SH2D4B: variants seen among roughly 807,000 people sequenced by gnomAD.
The protein encoded by SH2D4B is SH2 domain-containing protein 4B.
A neutral mutation model predicts 61.5 loss-of-function variants in SH2D4B; 45 were observed. The observed-to-expected ratio is 0.73, with a 90% confidence interval of 0.58 to 0.94. The LOEUF is 0.94. Among genes scored for constraint, SH2D4B ranks in the 40% least tolerant of loss-of-function variants. The pLI is 0.00. For missense variants in SH2D4B, 572 were observed against 574.2 expected (o/e 1.00, Z 0.04); for synonymous variants, 224 against 220.4 (o/e 1.02, Z -0.14).
chr10:80,559,891 C>G (rs1841882031), intron 1 of SH2D4B, among the ~76,000 whole-genome samples: 1 of 151,570 alleles, frequency 6.6e-6, no homozygotes, highest in Non-Finnish European at 1.5e-5. Context: ...CCCACCTTTG[C>G]CCCCCCAGAG....
At chr10:80,581,305 A>C (rs1020681033) in intron 3 of SH2D4B, among the ~76,000 whole-genome samples, 2 of 152,170 alleles carry the variant, frequency 1.3e-5, no homozygotes, top group Non-Finnish European at 2.9e-5. Flanking sequence ...AGGGCCACTT[A>C]TCCACCATAG....
rs2132171551 is a variant in SH2D4B at position 80,645,966 on chromosome 10, C to T, written c.*1881C>T. 1 of 152,294 alleles carries T rather than the reference C, an allele frequency of 6.6e-6. No homozygotes were observed. Among genetic ancestry groups the T allele is most frequent in the East Asian group, 1.9e-4 (1 of 5,180 alleles). The allele number at this position is 152,294 out of a possible 1,614,324, so 9.4% of individuals were successfully genotyped here. A position where few individuals can be genotyped will look rare whatever the true frequency, so the allele number is the denominator to read the frequency against. ...TAAAATTGCCTTATTTCTATGGACT[C>T]AGAGGAATGATGTTTTAGTTTTGGC... is the stretch of plus-strand genomic sequence containing the variant. On this transcript the variant is annotated 3_prime_UTR_variant, in exon 8 of 8. Transcript: ENST00000646907.
In SH2D4B at chr10:80,644,156, A is replaced by C; in HGVS notation, c.*71A>C. The stretch of plus-strand genomic sequence containing the variant: ...ACTCAGCTTAAGAACTTCTCATCTC[A>C]AATCCTATGGCCTTCTGGAAGATCC... On this transcript the variant is annotated 3_prime_UTR_variant, in exon 8 of 8. Coordinates refer to ENST00000646907, the MANE Select transcript of SH2D4B (RefSeq NM_001388272.1). 63 of 1,215,162 alleles carry C rather than the reference A, an allele frequency of 5.2e-5. No individual in the cohort carries two copies. The highest frequency in any genetic ancestry group is 1.9e-4 in the Middle Eastern group (1 of 5,262). The allele number at this position is 1,215,162 out of a possible 1,614,324, so 75.3% of individuals were successfully genotyped here. A position where few individuals can be genotyped will look rare whatever the true frequency, so the allele number is the denominator to read the frequency against.
chr10:80,588,926 A>C (rs1842293200), intron 4 of SH2D4B, 149 bp downstream of exon 4: 2 of 873,496 alleles, frequency 2.3e-6, no homozygotes, highest in Admixed American at 2.6e-5. Flanking sequence ...AGTCCTGCTA[A>C]GAATTTAGAG....
intron 6 of SH2D4B, among the ~76,000 whole-genome samples, chr10:80,615,188 C>T (rs937291117): frequency 7.2e-5 from 11 of 152,328 alleles, no homozygotes; most frequent in African/African-American, 2.2e-4. Flanking sequence ...TTGCCATCCT[C>T]GGGCTTGATG....
At chr10:80,560,492 C>T (rs1055078999) in intron 1 of SH2D4B, among the ~76,000 whole-genome samples, 2 of 151,420 alleles carry the variant, frequency 1.3e-5, no homozygotes, top group African/African-American at 4.9e-5. Flanking sequence ...CCTAAGCCAT[C>T]CTCCAGCCTC....
intron 1 of SH2D4B, among the ~76,000 whole-genome samples, chr10:80,566,805 T>A (rs1042740959): frequency 6.6e-6 from 1 of 152,174 alleles, no homozygotes; most frequent in Admixed American, 6.5e-5. Context: ...GTAATCCTCT[T>A]ATCATTTATT....
chr10:80,630,447 G>A (rs1842817971), intron 6 of SH2D4B, among the ~76,000 whole-genome samples: 1 of 152,208 alleles, frequency 6.6e-6, no homozygotes, highest in African/African-American at 2.4e-5. Flanking sequence ...GGTTTTGGCA[G>A]GATGTTGTGA....
At chr10:80,609,034 A>C (rs1404201598) in intron 5 of SH2D4B, among the ~76,000 whole-genome samples, 1 of 152,088 alleles carries the variant, frequency 6.6e-6, no homozygotes, top group Non-Finnish European at 1.5e-5. Context: ...GCTGGTATTT[A>C]TGCCCTGGCC....
intron 6 of SH2D4B, among the ~76,000 whole-genome samples, chr10:80,629,699 G>T (rs370691369): frequency 1.3e-5 from 2 of 152,320 alleles, no homozygotes; most frequent in African/African-American, 4.8e-5. Flanking sequence ...TATTGTATTA[G>T]ATATTTATTG....
At chr10:80,592,292 A>T (rs762157398) in intron 4 of SH2D4B, among the ~76,000 whole-genome samples, 6 of 152,128 alleles carry the variant, frequency 3.9e-5, no homozygotes, top group Admixed American at 2.6e-4. Flanking sequence ...CTTATCAGAG[A>T]TATGGTTTGC....
intron 1 of SH2D4B, among the ~76,000 whole-genome samples, chr10:80,552,546 G>A (rs894026438): frequency 6.6e-6 from 1 of 152,102 alleles, no homozygotes; most frequent in African/African-American, 2.4e-5. Context: ...GGACAGCAGG[G>A]GCAGCTCGTG....
chr10:80,609,044 C>T (rs1406235736), intron 5 of SH2D4B, among the ~76,000 whole-genome samples: 2 of 152,154 alleles, frequency 1.3e-5, no homozygotes, highest in Non-Finnish European at 2.9e-5. Context: ...ATGCCCTGGC[C>T]GTGCTCGAGG....
At chr10:80,546,574 G>A (rs12784607) in intron 1 of SH2D4B, among the ~76,000 whole-genome samples, 20,628 of 147,734 alleles carry the variant, frequency 0.14, 1,494 homozygotes, top group Non-Finnish European at 0.15. Context: ...TGCCCAGGCC[G>A]GACTGCAGTG....
At chr10:80,580,421 G>A (rs141744095) in intron 3 of SH2D4B, among the ~76,000 whole-genome samples, 41 of 152,260 alleles carry the variant, frequency 2.7e-4, no homozygotes, top group Non-Finnish European at 5.0e-4. Flanking sequence ...CTCTGTGGTC[G>A]GTGGTCTCTT....
At chr10:80,581,992 C>T (rs186292381) in intron 3 of SH2D4B, among the ~76,000 whole-genome samples, 129 of 152,294 alleles carry the variant, frequency 8.5e-4, no homozygotes, top group Admixed American at 5.9e-3. Context: ...CTGACATAGA[C>T]TGGGGACTTT....
At position 80,609,437 on chromosome 10, in the gene SH2D4B, C is replaced by T. The variant is rs572144088; in HGVS notation, c.874C>T (p.Arg292Cys). 43 of 1,613,840 alleles carry T rather than the reference C, an allele frequency of 2.7e-5. No individual in the cohort carries two copies. In the East Asian group the frequency reaches 4.0e-4, roughly 15 times the overall value. Residue 292 changes from arginine to cysteine, a missense_variant, in exon 6 of 8, where the codon CGC (arginine) becomes TGC (cysteine). By Grantham distance (180) the Arg-to-Cys change is radical. Coordinates refer to ENST00000646907, the MANE Select transcript of SH2D4B (RefSeq NM_001388272.1). ...CTTTCTCTTCAGCAGGACCTGGGAG[C>T]GCCCGCTGCGCCCAGTCTCCAGAGA... is the stretch of plus-strand genomic sequence containing the variant. ...LALPVSRTWE[R>C]PLRPVSRDVI... is the part of the protein sequence containing the mutation.
chr10:80,564,985 C>G (rs1841946078), intron 1 of SH2D4B, among the ~76,000 whole-genome samples: 1 of 151,900 alleles, frequency 6.6e-6, no homozygotes, highest in South Asian at 2.1e-4. Flanking sequence ...AATTTATAGA[C>G]AAAAAAAGGG....
At chr10:80,560,693 C>CTTTTTTTTTTTTTTT (rs58963330) in intron 1 of SH2D4B, among the ~76,000 whole-genome samples, 1 of 58,844 alleles carries the variant, frequency 1.7e-5, no homozygotes, top group African/African-American at 7.4e-5. Flanking sequence ...CCTGGCCAAG[C>CTTTTTTTTTTTTTTT]TTTTTTTTTT....
Sources: allele counts gnomAD v4.1 joint callset (sites outside exome capture counted in the v4.1 genomes callset), GRCh38; gene constraint gnomAD v4.1.1; transcripts MANE v1.5; gene names NCBI Gene and HGNC (gene_info 2026-07-23, HGNC 2026-07-21).